Variants in SLC30A8 observed in about 807,000 individuals in gnomAD.
The protein encoded by SLC30A8 is proton-coupled zinc antiporter SLC30A8.
In SLC30A8, 27 loss-of-function variants were observed where a neutral mutation model predicts 36.9. That is an observed-to-expected ratio of 0.73 (90% CI 0.54 to 1.01). SLC30A8 has a LOEUF of 1.01. SLC30A8 is among the 50% of genes least tolerant of loss of function. The pLI is 0.00. For missense variants in SLC30A8, 439 were observed against 452.0 expected, an observed-to-expected ratio of 0.97 and a Z score of 0.26; for synonymous variants, 164 against 172.4, an observed-to-expected ratio of 0.95 and a Z score of 0.38.
intron 2 of SLC30A8, among the ~76,000 whole-genome samples, chr8:117,039,726 T>G (rs998199035): frequency 6.6e-6 from 1 of 152,248 alleles, no homozygotes; most frequent in Non-Finnish European, 1.5e-5. Context: ...GAATAATAGC[T>G]GAATAATATC....
intron 2 of SLC30A8, among the ~76,000 whole-genome samples, chr8:117,073,408 C>T (rs950955232): frequency 2.6e-5 from 4 of 152,122 alleles, no homozygotes; most frequent in Non-Finnish European, 4.4e-5. Context: ...CATGTGCCAT[C>T]ATGCCCAGCT....
At chr8:117,153,343 C>T (rs1175713281) in intron 3 of SLC30A8, among the ~76,000 whole-genome samples, 1 of 152,192 alleles carries the variant, frequency 6.6e-6, no homozygotes, top group African/African-American at 2.4e-5. Context: ...ACTGCCCCAG[C>T]CTCAGGGACT....
chr8:117,130,646 T>C (rs954443716), upstream of SLC30A8, among the ~76,000 whole-genome samples: 4 of 152,018 alleles, frequency 2.6e-5, no homozygotes, highest in African/African-American at 9.7e-5. Flanking sequence ...TATTCTAATC[T>C]TTAAAATAAT....
intron 1 of SLC30A8, among the ~76,000 whole-genome samples, chr8:116,999,482 A>G (rs756537428): frequency 4.6e-5 from 7 of 152,324 alleles, no homozygotes; most frequent in Non-Finnish European, 1.0e-4. Context: ...GTGAGGAGAC[A>G]TAAAGTCCCT....
At chr8:117,109,368 A>C (rs1025678953) in intron 2 of SLC30A8, among the ~76,000 whole-genome samples, 4 of 152,202 alleles carry the variant, frequency 2.6e-5, no homozygotes, top group African/African-American at 7.2e-5. Context: ...TAAATGAAAA[A>C]GTTGAGGCTC....
At chr8:117,170,911 T>C (rs1823344240) in intron 6 of SLC30A8, 123 bp from the exon 7 acceptor site, 1 of 783,104 alleles carries the variant, frequency 1.3e-6, no homozygotes, top group Admixed American at 2.8e-5. Flanking sequence ...ACATTTGAAG[T>C]AAGAAACCAG....
At position 117,036,114 on chromosome 8, in the gene SLC30A8, C is replaced by G. The variant is rs76047539; in HGVS notation, c.-265-3105C>G. ...TTTCTCCAGCCAGTTTGAATTCCCC[C>G]CCCCAGAAAATGGGGTTTTCTTTTC... On this transcript the variant is annotated intron_variant, in intron 1 of 10. Coordinates refer to the SLC30A8 transcript ENST00000427715. Among the ~76,000 whole-genome samples the G allele has an allele frequency of 5.9e-5, 9 of 152,278 alleles. No homozygotes were observed. The East Asian group carries it at 1.7e-3, about 29-fold the overall frequency.
chr8:116,969,763 A>G lies in SLC30A8; in HGVS notation c.-266+18644A>G, dbSNP rs112527222. Among the ~76,000 whole-genome samples, 766 of 152,310 alleles carry G rather than the reference A, an allele frequency of 5.0e-3. 8 individuals carry two copies. The highest frequency in any genetic ancestry group is 0.017 in the African/African-American group (720 of 41,562). ...AAACATATTAAAACAAAAATATGGT[A>G]AAAATATGGCATAAAAGATAAAAAA... On this transcript the variant is annotated intron_variant, in intron 1 of 10. Transcript: ENST00000427715.
chr8:117,076,764 A>G (rs1818500999), intron 2 of SLC30A8, among the ~76,000 whole-genome samples: 1 of 148,158 alleles, frequency 6.7e-6, no homozygotes, highest in Non-Finnish European at 1.5e-5. Flanking sequence ...GAGGGGTCAA[A>G]TAGTCATTTT....
At chr8:117,013,517 AAAG>A (rs1273854838) in intron 1 of SLC30A8, among the ~76,000 whole-genome samples, 1 of 152,200 alleles carries the variant, frequency 6.6e-6, no homozygotes, top group Non-Finnish European at 1.5e-5. Context: ...TGGAAGTAAA[AAAG>A]AAAATAAAAT....
At chr8:117,128,101 A>G (rs1300169157) in intron 2 of SLC30A8, among the ~76,000 whole-genome samples, 1 of 152,054 alleles carries the variant, frequency 6.6e-6, no homozygotes, top group Non-Finnish European at 1.5e-5. Context: ...TGGGTTGAGC[A>G]ATTACCTGAG....
chr8:117,015,489 T>C (rs1816485392), intron 1 of SLC30A8, among the ~76,000 whole-genome samples: 1 of 150,990 alleles, frequency 6.6e-6, no homozygotes, highest in Non-Finnish European at 1.5e-5. Context: ...TTTCCTAAAG[T>C]GGGTCCAATG....
In SLC30A8 at chr8:117,175,573, A is replaced by G. The variant is rs748381701; in HGVS notation, c.*2892A>G. 6.6e-6 allele frequency: 1 copy of G among 152,082 alleles called. No individual in the cohort carries two copies. The highest frequency in any genetic ancestry group is 1.5e-5 in the Non-Finnish European group (1 of 68,006). The allele number at this position is 152,082 out of a possible 1,614,324, so 9.4% of individuals were successfully genotyped here. On this transcript the variant is annotated 3_prime_UTR_variant, in exon 8 of 8. Coordinates refer to ENST00000456015, the MANE Select transcript of SLC30A8 (RefSeq NM_173851.3). ...AGTTACTTAAATGCTCTGATCCTCT[A>G]TTTCCTGATCAGTGAAACCTCCCTA...
At chr8:117,082,330 G>A (rs1586481104) in intron 2 of SLC30A8, among the ~76,000 whole-genome samples, 1 of 152,102 alleles carries the variant, frequency 6.6e-6, no homozygotes, top group East Asian at 1.9e-4. Flanking sequence ...TGTATATACA[G>A]AGACAGCAAG....
intron 1 of SLC30A8, among the ~76,000 whole-genome samples, chr8:117,005,473 G>A (rs903341266): frequency 2.7e-4 from 41 of 152,296 alleles, no homozygotes; most frequent in African/African-American, 9.6e-4. Flanking sequence ...GCATTCATCA[G>A]TCGTTGGACT....
intron 1 of SLC30A8, among the ~76,000 whole-genome samples, chr8:116,959,318 A>G (rs898858149): frequency 3.9e-5 from 6 of 152,100 alleles, no homozygotes; most frequent in African/African-American, 9.7e-5. Flanking sequence ...GAAATTTTCC[A>G]TATCTTCCAT....
rs552224649 is a variant in SLC30A8 at position 116,968,800 on chromosome 8, G to T, written c.-266+17681G>T. Among the ~76,000 whole-genome samples the T allele has an allele frequency of 1.4e-4, 22 of 152,036 alleles. No individual in the cohort carries two copies. In the South Asian group the frequency reaches 4.6e-3, roughly 32 times the overall value. On this transcript the variant is annotated intron_variant, in intron 1 of 10. Coordinates refer to the SLC30A8 transcript ENST00000427715. ...TCACCAGGCTGGAGTGCAATGGCAC[G>T]ATCTCAGCTCACTGCAATCTCAGCC...
chr8:116,979,031 G>GT (rs1238862336), intron 1 of SLC30A8, among the ~76,000 whole-genome samples: 1 of 151,240 alleles, frequency 6.6e-6, no homozygotes, highest in African/African-American at 2.4e-5. Context: ...GAGGTCAGGT[G>GT]TTTGAGACCA....
rs571651512 is a variant in SLC30A8 at position 117,038,183 on chromosome 8, T to C, written c.-265-1036T>C. On this transcript the variant is annotated intron_variant, in intron 1 of 10. Coordinates refer to the SLC30A8 transcript ENST00000427715. ...GGATACTCGGTAAAAGCAATGCAAA[T>C]GATACAAGAAAGTTTACATGATAAG... 3.9e-5 allele frequency among the ~76,000 whole-genome samples: 6 copies of C among 152,302 alleles called. No homozygotes were observed. The South Asian group carries it at 1.0e-3, about 26-fold the overall frequency.
Sources: allele counts gnomAD v4.1 joint callset (sites outside exome capture counted in the v4.1 genomes callset), GRCh38; gene constraint gnomAD v4.1.1; transcripts MANE v1.5; gene names NCBI Gene and HGNC (gene_info 2026-07-23, HGNC 2026-07-21).